NTM: variants seen among roughly 807,000 people sequenced by gnomAD.
NTM encodes neurotrimin, also known as IgLON family member 2.
A neutral mutation model predicts 42.1 loss-of-function variants in NTM; 13 were observed. The observed-to-expected ratio is 0.31, with a 90% CI of 0.20 to 0.49. NTM has a LOEUF of 0.49. NTM is among the 20% of genes least tolerant of loss of function. The pLI, the probability that NTM is intolerant of heterozygous loss-of-function variation, is 0.99. For synonymous variants in NTM, 187 were observed against 179.2 expected, an observed-to-expected ratio of 1.04 and a Z score of -0.35; for missense variants, 373 against 452.8, an observed-to-expected ratio of 0.82 and a Z score of 1.60.
At chr11:132,122,454 A>G (rs1321597873) in intron 2 of NTM, among the ~76,000 whole-genome samples, 1 of 152,208 alleles carries the variant, frequency 6.6e-6, no homozygotes, top group Non-Finnish European at 1.5e-5. Context: ...AGGAATGAAT[A>G]CTTGTAACCT....
chr11:131,981,530 C>T lies in NTM; in HGVS notation c.167+69882C>T, dbSNP rs900545234. The T allele has an allele frequency of 3.3e-5, 5 of 152,162 alleles. No individual in the cohort carries two copies. The East Asian group carries it at 5.8e-4, about 18-fold the overall frequency. The allele number at this position is 152,162 out of a possible 1,614,324, so 9.4% of individuals were successfully genotyped here. ...TTAAAATAAAGCACTTTTATGGAAA[C>T]GTTCTGCTTACTCTGTGTTCCCAGA... On this transcript the variant is annotated intron_variant, in intron 2 of 8. Transcript: ENST00000683400.
chr11:131,986,694 T>TTTGC (rs1358395355), intron 2 of NTM, among the ~76,000 whole-genome samples: 2 of 152,222 alleles, frequency 1.3e-5, no homozygotes, highest in Non-Finnish European at 2.9e-5. Flanking sequence ...TTGGTTTGTA[T>TTTGC]TTGCCTTCCT....
chr11:132,257,528 C>T (rs1363629027), intron 4 of NTM, among the ~76,000 whole-genome samples: 1 of 152,168 alleles, frequency 6.6e-6, no homozygotes, highest in Admixed American at 6.5e-5. Flanking sequence ...AGGCCTCATC[C>T]TCACTCTGCC....
intron 1 of NTM, among the ~76,000 whole-genome samples, chr11:131,474,383 G>A (rs1455749118): frequency 6.6e-6 from 1 of 151,812 alleles, no homozygotes. Flanking sequence ...TCTTCTCCTT[G>A]GCAATTTCAT....
intron 2 of NTM, among the ~76,000 whole-genome samples, chr11:132,093,931 C>T (rs1162625248): frequency 6.6e-6 from 1 of 152,314 alleles, no homozygotes; most frequent in East Asian, 1.9e-4. Flanking sequence ...CCGGTAGTTT[C>T]CTGAGCCAGA....
rs2095374224 is a variant in NTM, at chr11:132,314,595, T to G, written c.826T>G (p.Phe276Val). The change falls in exon 7 of 9, where the codon TTC becomes GTC. Residue 276 changes from phenylalanine (F) to valine (V), a missense_variant. Transcript: ENST00000683400. The stretch of plus-strand genomic sequence containing the variant: ...AGGGGTGAAAGTGGAAAACAGACCT[T>G]TCCTCTCAAAACTCATCTTCTTCAA... ...KKGVKVENRP[F>V]LSKLIFFNVS... The G allele has an allele frequency of 1.2e-6, 2 of 1,613,770 alleles. No homozygotes were observed. The highest frequency in any genetic ancestry group is 1.7e-6 in the Non-Finnish European group (2 of 1,179,830).
intron 1 of NTM, among the ~76,000 whole-genome samples, chr11:131,525,822 A>G (rs2050393924): frequency 6.6e-6 from 1 of 151,714 alleles, no homozygotes; most frequent in Non-Finnish European, 1.5e-5. Context: ...ACAATAACAA[A>G]CTTGTAGGGT....
intron 1 of NTM, among the ~76,000 whole-genome samples, chr11:131,479,902 AAAATC>A (rs1953374427): frequency 6.6e-6 from 1 of 152,172 alleles, no homozygotes; most frequent in Non-Finnish European, 1.5e-5. Flanking sequence ...TTTTTTTAAA[AAAATC>A]AAAATCAATG....
intron 3 of NTM, among the ~76,000 whole-genome samples, chr11:132,207,744 C>G (rs915526560): frequency 6.6e-6 from 1 of 152,144 alleles, no homozygotes; most frequent in African/African-American, 2.4e-5. Flanking sequence ...GGATATCTTT[C>G]CTCCTTTTCT....
At chr11:131,796,655 T>G (rs2091598454) in intron 1 of NTM, among the ~76,000 whole-genome samples, 2 of 152,038 alleles carry the variant, frequency 1.3e-5, no homozygotes, top group African/African-American at 2.4e-5. Context: ...ATAGAGAGGG[T>G]GCATCTGGAG....
chr11:131,579,856 T>A (rs1050067675), intron 1 of NTM, among the ~76,000 whole-genome samples: 41 of 152,290 alleles, frequency 2.7e-4, no homozygotes, highest in African/African-American at 9.4e-4. Context: ...AACATGGCAT[T>A]CTATATTTCT....
chr11:132,044,033 T>A (rs1048279859), intron 2 of NTM, among the ~76,000 whole-genome samples: 2 of 151,514 alleles, frequency 1.3e-5, no homozygotes, highest in Non-Finnish European at 2.9e-5. Flanking sequence ...TGTGTATGTG[T>A]GTATATGTGT....
intron 1 of NTM, among the ~76,000 whole-genome samples, chr11:131,646,821 A>G (rs1211148942): frequency 6.6e-6 from 1 of 152,208 alleles, no homozygotes; most frequent in East Asian, 1.9e-4. Context: ...TTAACCTACT[A>G]TTCCCAGTGA....
intron 7 of NTM, among the ~76,000 whole-genome samples, chr11:132,318,904 G>GA (rs966507711): frequency 6.6e-6 from 1 of 151,408 alleles, no homozygotes. Flanking sequence ...CATGACAGAT[G>GA]AAAAAAAGTA....
intron 1 of NTM, among the ~76,000 whole-genome samples, chr11:131,814,611 C>T (rs1179456901): frequency 1.4e-5 from 2 of 139,798 alleles, no homozygotes; most frequent in African/African-American, 5.3e-5. Context: ...TAATCTTGTC[C>T]GTTGGTAATC....
chr11:131,757,028 T>A (rs377343774), intron 1 of NTM, among the ~76,000 whole-genome samples: 5 of 152,338 alleles, frequency 3.3e-5, no homozygotes, highest in African/African-American at 1.2e-4. Context: ...CTCAGAGCCC[T>A]GAGCCACATC....
intron 1 of NTM, among the ~76,000 whole-genome samples, chr11:131,482,009 A>G (rs970320723): frequency 6.6e-6 from 1 of 152,232 alleles, no homozygotes; most frequent in African/African-American, 2.4e-5. Context: ...TTCTTAAACC[A>G]TGCTGCATAC....
chr11:131,852,379 C>G (rs1224327110), intron 1 of NTM, among the ~76,000 whole-genome samples: 1 of 152,232 alleles, frequency 6.6e-6, no homozygotes, highest in Non-Finnish European at 1.5e-5. Context: ...ACACACTTAA[C>G]TTTTCTAAAA....
chr11:131,758,175 T>C (rs1161157353), intron 1 of NTM, among the ~76,000 whole-genome samples: 3 of 152,192 alleles, frequency 2.0e-5, no homozygotes, highest in African/African-American at 7.2e-5. Flanking sequence ...TGGCCAGTAG[T>C]AAGCTTCATT....
Sources: gnomAD v4.1 joint callset for allele counts (sites outside exome capture counted in the v4.1 genomes callset) on GRCh38, gnomAD v4.1.1 for gene constraint, MANE v1.5 for transcripts, NCBI Gene and HGNC (gene_info 2026-07-23, HGNC 2026-07-21) for gene names.